MLF1: variants seen among roughly 807,000 people sequenced by gnomAD.
MLF1 encodes the protein myeloid leukemia factor 1, also known as myelodysplasia-myeloid leukemia factor 1.
Under a neutral mutation model 38.3 loss-of-function variants are expected in MLF1, and 37 were observed. The ratio of observed to expected loss-of-function variants is 0.96; its 90% CI spans 0.74 to 1.27. The LOEUF is 1.27. Ranked by LOEUF, MLF1 falls within the 50% of genes most tolerant of loss-of-function variation. MLF1 has a pLI of 0.00. For synonymous variants in MLF1, 95 were observed against 106.5 expected (o/e 0.89, Z 0.66); for missense variants, 331 against 349.2 (o/e 0.95, Z 0.42).
chr3:158,587,809 G>C (rs1354365266), intron 1 of MLF1, among the ~76,000 whole-genome samples: 2 of 152,152 alleles, frequency 1.3e-5, no homozygotes, highest in African/African-American at 4.8e-5. Context: ...GACCATCCTG[G>C]CTAACACAGT....
chr3:158,595,171 C>T (rs1718703212), intron 3 of MLF1, among the ~76,000 whole-genome samples: 1 of 151,928 alleles, frequency 6.6e-6, no homozygotes, highest in Non-Finnish European at 1.5e-5. Context: ...GGTAATGATA[C>T]AGAGATGGGG....
At chr3:158,594,164 A>G (rs759062860) in intron 3 of MLF1, among the ~76,000 whole-genome samples, 3 of 152,200 alleles carry the variant, frequency 2.0e-5, no homozygotes, top group Non-Finnish European at 4.4e-5. Context: ...AAAAGCAGTT[A>G]TAACACAGAG....
chr3:158,581,339 G>A (rs1399606527), intron 1 of MLF1, among the ~76,000 whole-genome samples: 3 of 152,144 alleles, frequency 2.0e-5, no homozygotes, highest in Non-Finnish European at 4.4e-5. Flanking sequence ...AGAGAGGGGT[G>A]GAAAGTAACC....
At chr3:158,601,489 G>C (rs1719740591) in intron 6 of MLF1, among the ~76,000 whole-genome samples, 1 of 152,170 alleles carries the variant, frequency 6.6e-6, no homozygotes, top group Non-Finnish European at 1.5e-5. Flanking sequence ...AGAATCGCTT[G>C]AACCCAGGAG....
At chr3:158,596,969 G>A (rs1247726293) in intron 4 of MLF1, 24 bp downstream of exon 4, 4 of 1,434,932 alleles carry the variant, frequency 2.8e-6, no homozygotes, top group Non-Finnish European at 3.9e-6. Context: ...ACAAAGCATT[G>A]AGAACATTGT....
intron 1 of MLF1, 41 bp downstream of exon 1, chr3:158,571,388 T>TA: frequency 6.2e-7 from 1 of 1,612,126 alleles, no homozygotes; most frequent in African/African-American, 1.3e-5. Context: ...GCGCGGGAAT[T>TA]AAGGTATCGA....
intron 4 of MLF1, among the ~76,000 whole-genome samples, chr3:158,597,387 C>A (rs1719042713): frequency 6.6e-6 from 1 of 151,314 alleles, no homozygotes; most frequent in African/African-American, 2.4e-5. Flanking sequence ...TTTGTAGCAT[C>A]TGAAGAGTTT....
At chr3:158,595,932 C>A (rs1465205941) in intron 3 of MLF1, among the ~76,000 whole-genome samples, 3 of 152,120 alleles carry the variant, frequency 2.0e-5, no homozygotes, top group Non-Finnish European at 2.9e-5. Context: ...TCTGGTGAGT[C>A]TTCCAGTGAT....
In MLF1 at chr3:158,571,277, G is replaced by A; in HGVS notation, c.-24G>A. The stretch of plus-strand genomic sequence containing the variant: ...TCGTTTTTCCAATCTGTCCGCGGCT[G>A]CCGCCACCCAAGACAGAGCCAGAAT... On this transcript the variant is annotated 5_prime_UTR_variant, in exon 1 of 8. Transcript: ENST00000466246. The A allele has an allele frequency of 1.3e-6, 2 of 1,593,508 alleles. No individual in the cohort carries two copies. The highest frequency in any genetic ancestry group is 1.7e-6 in the Non-Finnish European group (2 of 1,163,106).
At chr3:158,604,289 G>A (rs1376388093) in intron 7 of MLF1, among the ~76,000 whole-genome samples, 1 of 152,188 alleles carries the variant, frequency 6.6e-6, no homozygotes, top group East Asian at 1.9e-4. Flanking sequence ...ACTTAGAGAA[G>A]GCATGCTCTT....
At chr3:158,576,369 A>G (rs912780134) in intron 1 of MLF1, among the ~76,000 whole-genome samples, 2 of 152,170 alleles carry the variant, frequency 1.3e-5, no homozygotes, top group Non-Finnish European at 2.9e-5. Context: ...TTTCTCTCAC[A>G]TCTGTATTTG....
intron 1 of MLF1, among the ~76,000 whole-genome samples, chr3:158,577,935 T>C (rs1715703381): frequency 6.6e-6 from 1 of 152,206 alleles, no homozygotes; most frequent in Non-Finnish European, 1.5e-5. Flanking sequence ...CACTTTGTAC[T>C]TCAAGACAAT....
intron 2 of MLF1, 30 bp from the exon 3 acceptor site, chr3:158,593,351 TA>T: frequency 6.7e-7 from 1 of 1,502,348 alleles, no homozygotes; most frequent in Non-Finnish European, 8.9e-7. Context: ...ATAAATGTCA[TA>T]ATCAAATGAA....
At position 158,599,433 on chromosome 3, in the gene MLF1, A is replaced by G. The variant is rs534460186; in HGVS notation, c.454-581A>G. On this transcript the variant is annotated intron_variant, in intron 5 of 7. Coordinates refer to ENST00000466246, the MANE Select transcript of MLF1 (RefSeq NM_001369783.1). ...AAGTAGTACATTTTTTAGTTCTTAC[A>G]TATAAAGATGAACCTTTTAATGATG... Among the ~76,000 whole-genome samples the G allele has an allele frequency of 2.6e-5, 4 of 152,350 alleles. No homozygotes were observed. In the East Asian group the frequency reaches 5.8e-4, roughly 22 times the overall value.
chr3:158,571,206 G>T lies in MLF1; in HGVS notation c.-95G>T, dbSNP rs369380572. 1.2e-5 allele frequency: 12 copies of T among 986,768 alleles called. No individual in the cohort carries two copies. In the Admixed American group the frequency reaches 2.2e-4, roughly 18 times the overall value. 61.1% of individuals were successfully genotyped at this position (986,768 alleles called of 1,614,324 possible). On this transcript the variant is annotated 5_prime_UTR_variant, in exon 1 of 8. Transcript: ENST00000466246. ...CCTGCGCCGCGGCGAGTGAGGCGTC[G>T]TCCGTACTGGAGGCTAGCTCTTGTC...
At chr3:158,581,094 G>C (rs9848908) in intron 1 of MLF1, among the ~76,000 whole-genome samples, 85,483 of 152,002 alleles carry the variant, frequency 0.56, 24,933 homozygotes, top group African/African-American at 0.72. Context: ...CATAATTGGA[G>C]ATAGGCAGAT....
intron 1 of MLF1, among the ~76,000 whole-genome samples, chr3:158,581,904 G>T (rs568822657): frequency 2.0e-5 from 3 of 152,192 alleles, no homozygotes; most frequent in African/African-American, 7.2e-5. Context: ...AAGGCCAGGC[G>T]TGTGGTGGCT....
At chr3:158,585,785 T>A (rs1001753774) in intron 1 of MLF1, among the ~76,000 whole-genome samples, 40 of 152,028 alleles carry the variant, frequency 2.6e-4, no homozygotes, top group African/African-American at 9.2e-4. Flanking sequence ...AGAAATAAGG[T>A]AATAGTAAAT....
rs59567882 is a variant in MLF1 at position 158,574,684 on chromosome 3, CAAA to C, written c.47+3353_47+3355del. The stretch of plus-strand genomic sequence containing the variant: ...GGGCAACAAGAGTGAAACACTGTCT[CAAA>C]AAAAAAAAAAAAAAAGAATATTTAG... On this transcript the variant is annotated intron_variant, in intron 1 of 7. Coordinates refer to ENST00000466246, the MANE Select transcript of MLF1 (RefSeq NM_001369783.1). Among the ~76,000 whole-genome samples, 73 of 108,778 alleles carry C rather than the reference CAAA, an allele frequency of 6.7e-4. 1 individual carries two copies. Among genetic ancestry groups the C allele is most frequent in the South Asian group, 1.8e-3 (6 of 3,398 alleles). 71.4% of individuals were successfully genotyped at this position (108,778 alleles called of 152,430 possible).
Sources: allele counts gnomAD v4.1 joint callset (sites outside exome capture counted in the v4.1 genomes callset), GRCh38; gene constraint gnomAD v4.1.1; transcripts MANE v1.5; gene names NCBI Gene and HGNC (gene_info 2026-07-23, HGNC 2026-07-21).